Variants in RABGEF1 observed in about 807,000 individuals in gnomAD.
The protein encoded by RABGEF1 is RAB guanine nucleotide exchange factor 1.
RABGEF1 carries 26 observed loss-of-function variants against 57.3 expected under a neutral mutation model. The observed-to-expected ratio is 0.45, with a 90% CI of 0.33 to 0.63. RABGEF1 has a LOEUF of 0.63. Ranked by LOEUF, RABGEF1 falls within the 20% of genes least tolerant of loss-of-function variation. The pLI, the probability that RABGEF1 is intolerant of heterozygous loss-of-function variation, is 0.02. For missense variants in RABGEF1, 464 were observed against 607.6 expected, an observed-to-expected ratio of 0.76 and a Z score of 2.48; for synonymous variants, 185 against 210.7, an observed-to-expected ratio of 0.88 and a Z score of 1.06.
upstream of RABGEF1, among the ~76,000 whole-genome samples, chr7:66,681,393 CTTTTTTT>C (rs60669901): frequency 7.8e-6 from 1 of 128,822 alleles, no homozygotes; most frequent in Non-Finnish European, 1.6e-5. Flanking sequence ...CTCAGTTACG[CTTTTTTT>C]TTTTTTTTTT....
intron 4 of RABGEF1, 100 bp from the exon 5 acceptor site, chr7:66,795,411 T>C (rs1309324065): frequency 1.1e-6 from 1 of 925,674 alleles, no homozygotes; most frequent in African/African-American, 1.6e-5. Flanking sequence ...TTAGGCTTAC[T>C]ACCAGTACAA....
chr7:66,658,892 C>G, the RABGEF1 span, among the ~76,000 whole-genome samples: 1 of 152,004 alleles, frequency 6.6e-6, no homozygotes, highest in East Asian at 2.0e-4. Flanking sequence ...CCCACCACAA[C>G]GCCCGGCTAA....
chr7:66,662,613 T>A, the RABGEF1 span, among the ~76,000 whole-genome samples: 1 of 152,136 alleles, frequency 6.6e-6, no homozygotes, highest in Non-Finnish European at 1.5e-5. Context: ...ACAAATCAAC[T>A]GATCTTCAAG....
At chr7:66,697,722 T>TG (rs1442289299) in intron 1 of RABGEF1, among the ~76,000 whole-genome samples, 1 of 151,718 alleles carries the variant, frequency 6.6e-6, no homozygotes, top group Non-Finnish European at 1.5e-5. Context: ...CTCAGCGAGG[T>TG]GGGGGGTGTT....
chr7:66,732,417 G>A (rs2117664584), intron 2 of RABGEF1, among the ~76,000 whole-genome samples: 1 of 152,296 alleles, frequency 6.6e-6, no homozygotes, highest in South Asian at 2.1e-4. Context: ...GAGACCTAAG[G>A]TAGGAGATGG....
At chr7:66,720,194 A>T (rs6944888) in intron 2 of RABGEF1, among the ~76,000 whole-genome samples, 14,741 of 133,630 alleles carry the variant, frequency 0.11, 864 homozygotes, top group African/African-American at 0.12. Flanking sequence ...TATTATTATT[A>T]TTTTTTTTTT....
Position 66,783,697 on chromosome 7 carries a change from C to T in RABGEF1, c.369C>T (p.Pro123=), listed in dbSNP as rs374322371. 4.4e-6 allele frequency: 7 copies of T among 1,608,082 alleles called. No homozygotes were observed. Among genetic ancestry groups the T allele is most frequent in the African/African-American group, 2.7e-5 (2 of 74,810 alleles). Residue 123 remains proline (P), a synonymous_variant, in exon 4 of 9, where the codon CCC becomes CCT. Transcript: ENST00000284957. ...SKKEIQEAKA[P]SPSINRQTSI... ...CAGAAATTCAGGAAGCAAAAGCTCC[C>T]AGTCCTTCCATAAACCGGCAAACCA...
At chr7:66,737,445 G>C (rs879770247), upstream of RABGEF1, among the ~76,000 whole-genome samples, 6 of 151,892 alleles carry the variant, frequency 4.0e-5, no homozygotes, top group Admixed American at 6.6e-5. Flanking sequence ...GACTGGGTAG[G>C]GGGGGGCAGT....
intron 5 of RABGEF1, 127 bp downstream of exon 5, chr7:66,795,719 A>C (rs1348142523): frequency 3.5e-6 from 3 of 859,840 alleles, no homozygotes; most frequent in East Asian, 2.5e-5. Flanking sequence ...CCTCATGGAC[A>C]TTCTGGGAAC....
rs1789185926 is a variant in RABGEF1, at chr7:66,809,572, T to G, written c.*288T>G. ...CCTATGTGCTTCCTCTGGCATTCAC[T>G]GTGGTTTTGGTAAATAATTGCCTTT... On this transcript the variant is annotated 3_prime_UTR_variant, in exon 9 of 9. Transcript: ENST00000284957. 3 of 283,490 alleles carry G rather than the reference T, an allele frequency of 1.1e-5. No homozygotes were observed. The East Asian group carries it at 1.9e-4, about 18-fold the overall frequency. 17.6% of individuals were successfully genotyped at this position (283,490 alleles called of 1,614,324 possible).
At chr7:66,766,551 C>T (rs955221276) in intron 1 of RABGEF1, among the ~76,000 whole-genome samples, 1 of 151,850 alleles carries the variant, frequency 6.6e-6, no homozygotes, top group Non-Finnish European at 1.5e-5. Flanking sequence ...AAATCCTGAC[C>T]TTGGAGGGCT....
the RABGEF1 span, among the ~76,000 whole-genome samples, chr7:66,659,914 GAAAT>G: frequency 1.3e-5 from 2 of 151,384 alleles, no homozygotes; most frequent in South Asian, 2.1e-4. Flanking sequence ...GATTAGAGTG[GAAAT>G]AAATAAAGAA....
chr7:66,739,688 C>G (rs1054821605), upstream of RABGEF1: 14 of 140,704 alleles, frequency 9.9e-5, no homozygotes, highest in Admixed American at 8.5e-4. Flanking sequence ...AAAAAATAGA[C>G]TGAAAAATTA....
At chr7:66,678,644 A>G (rs1789479657), upstream of RABGEF1, among the ~76,000 whole-genome samples, 1 of 151,924 alleles carries the variant, frequency 6.6e-6, no homozygotes, top group Non-Finnish European at 1.5e-5. Flanking sequence ...ACAATGTGGC[A>G]ATGTGGAAAC....
intron 6 of RABGEF1, 114 bp downstream of exon 6, chr7:66,797,620 T>C: frequency 8.5e-7 from 1 of 1,181,894 alleles, no homozygotes; most frequent in Non-Finnish European, 1.2e-6. Context: ...TAGCTCATGT[T>C]CCTGCTTCCT....
intron 1 of RABGEF1, among the ~76,000 whole-genome samples, chr7:66,743,561 G>T (rs548071695): frequency 1.3e-5 from 2 of 152,138 alleles, no homozygotes; most frequent in East Asian, 3.9e-4. Flanking sequence ...GAGTGCAGTG[G>T]CGCGATCTCG....
intron 1 of RABGEF1, among the ~76,000 whole-genome samples, chr7:66,687,936 T>A (rs1790929431): frequency 1.3e-5 from 2 of 151,650 alleles, no homozygotes; most frequent in Admixed American, 6.6e-5. Context: ...AAATACAAAA[T>A]TAGCCAGGCG....
At chr7:66,768,725 A>G (rs1017654809) in intron 1 of RABGEF1, 1 of 152,224 alleles carries the variant, frequency 6.6e-6, no homozygotes, top group African/African-American at 2.4e-5. Flanking sequence ...ATCCATGCAT[A>G]TGCAGCCTAG....
upstream of RABGEF1, among the ~76,000 whole-genome samples, chr7:66,679,149 A>G (rs1470781982): frequency 1.3e-5 from 2 of 152,166 alleles, no homozygotes; most frequent in East Asian, 1.9e-4. Flanking sequence ...ACTGCTAAAC[A>G]GGTTAGCGGT....
Sources: gnomAD v4.1 joint callset for allele counts (sites outside exome capture counted in the v4.1 genomes callset) on GRCh38, gnomAD v4.1.1 for gene constraint, MANE v1.5 for transcripts, NCBI Gene and HGNC (gene_info 2026-07-23, HGNC 2026-07-21) for gene names.